Variants in AKT1 observed in about 807,000 individuals in gnomAD.
AKT1 encodes RAC-alpha serine/threonine-protein kinase.
Under a neutral mutation model 63.1 loss-of-function variants are expected in AKT1, and 21 were observed. The ratio of observed to expected loss-of-function variants is 0.33; its 90% CI spans 0.24 to 0.48. The LOEUF (loss-of-function observed/expected upper bound fraction) is 0.48, where lower values mean the gene tolerates loss of function less well. Among genes scored for constraint, AKT1 ranks in the 20% least tolerant of loss-of-function variants. The pLI is 0.99. For synonymous variants in AKT1, 257 were observed against 253.1 expected (o/e 1.02, Z -0.15); for missense variants, 382 against 666.0 (o/e 0.57, Z 4.69).
At chr14:104,792,989 A>T in intron 2 of AKT1, 138 bp downstream of exon 2, 1 of 454,132 alleles carries the variant, frequency 2.2e-6, no homozygotes, top group Non-Finnish European at 4.1e-6. Context: ...CTAGGCTTAG[A>T]GCCTCCAGCC....
chr14:104,777,515 C>A (rs1892798582), intron 4 of AKT1: 4 of 1,010,452 alleles, frequency 4.0e-6, no homozygotes, highest in Non-Finnish European at 4.7e-6. Context: ...GGGGCACACG[C>A]ACACCTGGGG....
At chr14:104,775,916 A>G (rs1348032510) in intron 5 of AKT1, 117 bp from the exon 6 acceptor site, 3 of 1,345,016 alleles carry the variant, frequency 2.2e-6, no homozygotes, top group Non-Finnish European at 1.0e-6. Flanking sequence ...GTTCCCAGAG[A>G]CAGCCCTGAG....
Position 104,795,123 on chromosome 14 carries a change from T to C in AKT1, c.-258+361A>G, listed in dbSNP as rs1302631484. On this transcript the variant is annotated intron_variant, in intron 1 of 14. Coordinates refer to ENST00000649815, the MANE Select transcript of AKT1 (RefSeq NM_001382430.1). The surrounding 1 kb of genome is among the most constrained non-coding windows in gnomAD (Gnocchi z 5.1). ...GGGGCACCTCCGCCGGCTGCCTCGC[T>C]GGCCCAGCGCCCGGGGAGCCCCACG... 1 of 152,092 alleles carries C rather than the reference T, an allele frequency of 6.6e-6. No individual in the cohort carries two copies. The highest frequency in any genetic ancestry group is 1.5e-5 in the Non-Finnish European group (1 of 67,988). 9.4% of individuals were successfully genotyped at this position (152,092 alleles called of 1,614,324 possible).
intron 3 of AKT1, among the ~76,000 whole-genome samples, chr14:104,789,272 A>G (rs1893501742): frequency 6.6e-6 from 1 of 152,106 alleles, no homozygotes; most frequent in Non-Finnish European, 1.5e-5. Context: ...CCCTCTCCTG[A>G]CCCACTTGGT....
chr14:104,783,652 G>C (rs142065631), intron 3 of AKT1, among the ~76,000 whole-genome samples: 2 of 151,836 alleles, frequency 1.3e-5, no homozygotes, highest in Non-Finnish European at 2.9e-5. Flanking sequence ...GCCAGGGCAC[G>C]CCCCACCCCA....
intron 8 of AKT1, 61 bp downstream of exon 8, chr14:104,774,877 G>C: frequency 6.4e-7 from 1 of 1,550,422 alleles, no homozygotes; most frequent in Non-Finnish European, 8.7e-7. Context: ...GTCCCCTAGA[G>C]ACAGCCCCAG....
intron 3 of AKT1, among the ~76,000 whole-genome samples, chr14:104,791,661 C>T (rs1044011449): frequency 1.3e-5 from 2 of 152,210 alleles, no homozygotes; most frequent in Non-Finnish European, 2.9e-5. Context: ...ACTTTTGCCA[C>T]ACCTCCCTGT....
Position 104,775,735 on chromosome 14 carries a change from T to TCTCCTC in AKT1, c.346_351dup (p.Glu116_Glu117dup). 6.2e-7 allele frequency: 1 copy of TCTCCTC among 1,613,878 alleles called. No homozygotes were observed. The highest frequency in any genetic ancestry group is 8.5e-7 in the Non-Finnish European group (1 of 1,179,946). On this transcript the variant is annotated inframe_insertion, in exon 6 of 15. Transcript: ENST00000649815. ...CTGGGTGAGCCCGACCGGAAGTCCATCTCCTCCTCCTCCTGCTTCTTGAGG... is the reference window on the plus strand; with the variant it reads ...CTGGGTGAGCCCGACCGGAAGTCCATCTCCTCCTCCTCCTCCTCCTGCTTCTTGAGG...
chr14:104,773,519 G>A lies in AKT1; in HGVS notation c.764C>T (p.Ala255Val). ...FSEDRARFYG[A>V]EIVSALDYLH... ...GTAGTCCAGGGCTGACACAATCTCA[G>A]CGCCATAGAAGCGGGCCCGGTCCTC... The change falls in exon 10 of 15, where the codon GCT (alanine) becomes GTT (valine). Residue 255 changes from alanine (A) to valine (V), a missense_variant. By Grantham distance (64) the Ala-to-Val change is moderately conservative. Coordinates refer to ENST00000649815, the MANE Select transcript of AKT1 (RefSeq NM_001382430.1). 6.2e-7 allele frequency: 1 copy of A among 1,613,624 alleles called. No individual in the cohort carries two copies. The highest frequency in any genetic ancestry group is 8.5e-7 in the Non-Finnish European group (1 of 1,179,776).
chr14:104,793,369 C>T (rs10138227), intron 1 of AKT1, 65 bp from the exon 2 acceptor site: 31,023 of 205,896 alleles, frequency 0.15, 2,583 homozygotes, highest in African/African-American at 0.23. Flanking sequence ...CTGGCGCAAA[C>T]GGGAGTCCAG....
At chr14:104,772,816 A>G (rs1892465495) in intron 12 of AKT1, 62 bp downstream of exon 12, 3 of 1,527,716 alleles carry the variant, frequency 2.0e-6, no homozygotes, top group Non-Finnish European at 2.6e-6. Flanking sequence ...GCGCAGGGGC[A>G]GGTGCAGCCT....
At chr14:104,790,283 G>A (rs1022239964) in intron 3 of AKT1, among the ~76,000 whole-genome samples, 37 of 152,210 alleles carry the variant, frequency 2.4e-4, no homozygotes, top group African/African-American at 8.9e-4. Flanking sequence ...AGGCTGGGGG[G>A]GAGTGGAACA....
chr14:104,777,746 C>T (rs1892814081), intron 4 of AKT1: 17 of 985,462 alleles, frequency 1.7e-5, no homozygotes, highest in Non-Finnish European at 2.0e-5. Context: ...GACATTCCAG[C>T]ATCGAGGCCC....
At chr14:104,777,037 C>T in intron 4 of AKT1, 1 of 442,402 alleles carries the variant, frequency 2.3e-6, no homozygotes, top group Non-Finnish European at 4.1e-6. Context: ...CCATCGTCCA[C>T]TCCTACAGTC....
At chr14:104,772,578 G>T in intron 12 of AKT1, 126 bp from the exon 13 acceptor site, 1 of 925,346 alleles carries the variant, frequency 1.1e-6, no homozygotes, top group Non-Finnish European at 1.7e-6. Flanking sequence ...AGGGGAGCCG[G>T]TGGTGCAGCG....
rs3730346 is a variant in AKT1, at chr14:104,775,041, C to T, written c.567+35G>A. 0.11 allele frequency: 171,038 copies of T among 1,613,082 alleles called. 9,677 individuals are homozygous for T. Among genetic ancestry groups the T allele is most frequent in the Non-Finnish European group, 0.12 (137,349 of 1,179,608 alleles). ...GCTGGGTGAGCTGCCACCCCGCACC[C>T]TCATCTCCACCCTGCCCCACCGCCC... On this transcript the variant is annotated intron_variant, in intron 7 of 14. Coordinates refer to ENST00000649815, the MANE Select transcript of AKT1 (RefSeq NM_001382430.1).
chr14:104,774,132 A>G lies in AKT1; in HGVS notation c.634-152T>C. On this transcript the variant is annotated intron_variant, in intron 8 of 14. Coordinates refer to ENST00000649815, the MANE Select transcript of AKT1 (RefSeq NM_001382430.1). ...ACTGCCCGACACCACGCTGCCTGAT[A>G]CCACACCGCCCGATACCACACTGCC... The G allele has an allele frequency of 7.3e-6, 5 of 681,288 alleles. No individual in the cohort carries two copies. In the South Asian group the frequency reaches 8.4e-5, roughly 11 times the overall value. 42.2% of individuals were successfully genotyped at this position (681,288 alleles called of 1,614,324 possible).
At chr14:104,789,535 G>T (rs1893517478) in intron 3 of AKT1, among the ~76,000 whole-genome samples, 1 of 152,246 alleles carries the variant, frequency 6.6e-6, no homozygotes, top group Non-Finnish European at 1.5e-5. Context: ...CAGGCTGGAG[G>T]CCGAGTTCAG....
intron 5 of AKT1, 47 bp downstream of exon 5, chr14:104,776,612 C>T (rs376627827): frequency 2.6e-5 from 40 of 1,556,876 alleles, no homozygotes; most frequent in Admixed American, 1.0e-4. Context: ...CCCTCCTAAG[C>T]GCTGGGGCTG....
Sources: gnomAD v4.1 joint callset for allele counts (sites outside exome capture counted in the v4.1 genomes callset) on GRCh38, gnomAD v4.1.1 for gene constraint, Gnocchi (gnomAD v3.1) non-coding constraint, MANE v1.5 for transcripts, NCBI Gene and HGNC (gene_info 2026-07-23, HGNC 2026-07-21) for gene names.